NELL1: variants seen among roughly 807,000 people sequenced by gnomAD.
NELL1 encodes neural EGFL like 1.
In NELL1, 76 loss-of-function variants were observed where a neutral mutation model predicts 107.4. That is an observed-to-expected ratio of 0.71 (90% CI 0.59 to 0.86). The LOEUF (loss-of-function observed/expected upper bound fraction) is 0.86. Among genes scored for constraint, NELL1 ranks in the 40% least tolerant of loss-of-function variants. The probability of loss-of-function intolerance (pLI) is 0.00; values close to 1 mark genes in which losing one functional copy is unlikely to be tolerated. For missense variants in NELL1, 1,024 were observed against 1,005.5 expected (o/e 1.02, Z -0.25); for synonymous variants, 353 against 341.2 (o/e 1.03, Z -0.38).
At chr11:21,158,294 G>A (rs768214663) in intron 13 of NELL1, among the ~76,000 whole-genome samples, 5 of 152,088 alleles carry the variant, frequency 3.3e-5, no homozygotes, top group South Asian at 2.1e-4. Context: ...GCTTGCAGAC[G>A]GTCTGTTGTG....
intron 2 of NELL1, among the ~76,000 whole-genome samples, chr11:20,708,415 G>C (rs1003467149): frequency 3.3e-5 from 5 of 152,270 alleles, no homozygotes; most frequent in African/African-American, 1.2e-4. Context: ...CCCGTCTTCT[G>C]GGTCACTCAT....
At chr11:21,253,642 G>T (rs1210138484) in intron 14 of NELL1, among the ~76,000 whole-genome samples, 1 of 152,090 alleles carries the variant, frequency 6.6e-6, no homozygotes, top group Non-Finnish European at 1.5e-5. Context: ...TTGGGAGTGA[G>T]CTATTACTGG....
chr11:21,472,645 G>A (rs1395066396), intron 15 of NELL1, among the ~76,000 whole-genome samples: 2 of 151,874 alleles, frequency 1.3e-5, no homozygotes, highest in Non-Finnish European at 2.9e-5. Context: ...ATACTAATTA[G>A]GGAGCAATTC....
chr11:21,401,378 G>A (rs959530599), intron 15 of NELL1, among the ~76,000 whole-genome samples: 2 of 151,852 alleles, frequency 1.3e-5, no homozygotes, highest in Admixed American at 1.3e-4. Flanking sequence ...TGAGAAATAT[G>A]AAATGGCATT....
chr11:21,278,921 A>C (rs1044714872), intron 14 of NELL1, among the ~76,000 whole-genome samples: 4 of 152,190 alleles, frequency 2.6e-5, no homozygotes, highest in African/African-American at 9.6e-5. Flanking sequence ...AGTACTGATG[A>C]AGAATAGACA....
intron 15 of NELL1, among the ~76,000 whole-genome samples, chr11:21,401,478 C>T (rs1272058125): frequency 6.6e-6 from 1 of 151,760 alleles, no homozygotes; most frequent in Non-Finnish European, 1.5e-5. Context: ...TGTCCTGCAT[C>T]CTACTAACAT....
chr11:21,425,782 G>A (rs1193650530), intron 15 of NELL1, among the ~76,000 whole-genome samples: 3 of 152,122 alleles, frequency 2.0e-5, no homozygotes, highest in Admixed American at 1.3e-4. Context: ...ATATTTTTGA[G>A]GAACGTTATT....
chr11:20,960,101 A>G (rs916498797), intron 11 of NELL1, among the ~76,000 whole-genome samples: 4 of 152,010 alleles, frequency 2.6e-5, no homozygotes, highest in Non-Finnish European at 5.9e-5. Context: ...TACTCTTTGT[A>G]TTATAAATTT....
At chr11:20,697,457 T>A (rs1854652442) in intron 2 of NELL1, among the ~76,000 whole-genome samples, 1 of 151,524 alleles carries the variant, frequency 6.6e-6, no homozygotes, top group South Asian at 2.1e-4. Context: ...TTCAAAAGAG[T>A]TTCTAAAGGA....
At chr11:21,541,523 G>T (rs963056739) in intron 16 of NELL1, among the ~76,000 whole-genome samples, 3 of 152,072 alleles carry the variant, frequency 2.0e-5, no homozygotes, top group Non-Finnish European at 4.4e-5. Context: ...TTTTTCATAG[G>T]AGTGGCGATA....
intron 14 of NELL1, among the ~76,000 whole-genome samples, chr11:21,230,310 C>T (rs56756579): frequency 6.6e-6 from 1 of 152,078 alleles, no homozygotes; most frequent in East Asian, 1.9e-4. Context: ...TCTTGTCCCC[C>T]CACTGTCCCT....
chr11:20,866,626 A>T (rs527309441), intron 4 of NELL1, among the ~76,000 whole-genome samples: 1 of 152,316 alleles, frequency 6.6e-6, no homozygotes, highest in Admixed American at 6.5e-5. Flanking sequence ...TGCTAAAAGG[A>T]AATGGCCATG....
intron 12 of NELL1, among the ~76,000 whole-genome samples, chr11:21,028,271 G>T (rs1852867982): frequency 6.6e-6 from 1 of 152,052 alleles, no homozygotes; most frequent in Non-Finnish European, 1.5e-5. Flanking sequence ...TGCTCTCCCG[G>T]TGATTCTAAC....
intron 3 of NELL1, among the ~76,000 whole-genome samples, chr11:20,790,908 C>T (rs143043841): frequency 6.6e-6 from 1 of 152,214 alleles, no homozygotes; most frequent in Non-Finnish European, 1.5e-5. Flanking sequence ...TCCAGACAGC[C>T]TGCCGCTACT....
intron 12 of NELL1, among the ~76,000 whole-genome samples, chr11:21,071,004 C>A (rs950310401): frequency 7.2e-5 from 11 of 152,138 alleles, no homozygotes; most frequent in Non-Finnish European, 1.2e-4. Flanking sequence ...TAAGTGCTAA[C>A]CTTGTTTTTA....
chr11:21,464,458 A>G (rs1853977112), intron 15 of NELL1, among the ~76,000 whole-genome samples: 3 of 151,728 alleles, frequency 2.0e-5, no homozygotes. Context: ...GAGGAGGCTC[A>G]GGAAATAACA....
At chr11:21,058,842 G>A (rs1235495192) in intron 12 of NELL1, among the ~76,000 whole-genome samples, 1 of 152,118 alleles carries the variant, frequency 6.6e-6, no homozygotes, top group African/African-American at 2.4e-5. Context: ...TAGCTTAGCT[G>A]TGGGACTTCC....
chr11:20,839,086 C>T (rs775719049), intron 3 of NELL1, among the ~76,000 whole-genome samples: 5 of 151,954 alleles, frequency 3.3e-5, no homozygotes, highest in Non-Finnish European at 5.9e-5. Flanking sequence ...TATTCTGCCA[C>T]TAATTTTATT....
chr11:21,224,790 A>G (rs186432511), intron 13 of NELL1, among the ~76,000 whole-genome samples: 3 of 152,128 alleles, frequency 2.0e-5, no homozygotes, highest in Non-Finnish European at 4.4e-5. Context: ...CTCTTTCAAG[A>G]TTTCTTTTGA....
Sources: allele counts gnomAD v4.1 joint callset (sites outside exome capture counted in the v4.1 genomes callset), GRCh38; gene constraint gnomAD v4.1.1; transcripts MANE v1.5; gene names NCBI Gene and HGNC (gene_info 2026-07-23, HGNC 2026-07-21).